MOV10L1: variants seen among roughly 807,000 people sequenced by gnomAD.
MOV10L1 encodes RNA helicase Mov10l1.
A neutral mutation model predicts 143.8 loss-of-function variants in MOV10L1; 110 were observed. The ratio of observed to expected loss-of-function variants is 0.76; its 90% CI spans 0.66 to 0.90. MOV10L1 has a LOEUF of 0.90. MOV10L1 is among the 40% of genes least tolerant of loss of function. The pLI is 0.00. For missense variants in MOV10L1, 1,406 were observed against 1,526.8 expected, an observed-to-expected ratio of 0.92 and a Z score of 1.32; for synonymous variants, 593 against 581.1, an observed-to-expected ratio of 1.02 and a Z score of -0.29.
intron 2 of MOV10L1, chr22:50,094,779 T>C (rs969190491): frequency 3.3e-5 from 5 of 152,186 alleles, no homozygotes; most frequent in African/African-American, 1.2e-4. Flanking sequence ...TACTTTATTA[T>C]ACTATTATAG....
intron 19 of MOV10L1, chr22:50,149,350 C>T (rs1008807934): frequency 6.7e-6 from 3 of 449,906 alleles, no homozygotes; most frequent in South Asian, 5.4e-5. Flanking sequence ...TGTTGCCCAT[C>T]GCTCCCACCC....
chr22:50,109,942 A>G (rs150366244), intron 5 of MOV10L1, among the ~76,000 whole-genome samples: 5,021 of 152,136 alleles, frequency 0.033, 136 homozygotes, highest in Non-Finnish European at 0.046. Flanking sequence ...TGAGGTCAGG[A>G]GTTCGAGACC....
At position 50,108,710 on chromosome 22, in the gene MOV10L1, C is replaced by T; in HGVS notation, c.609C>T (p.Phe203=). The T allele has an allele frequency of 1.2e-6, 2 of 1,614,212 alleles. No individual in the cohort carries two copies. Among genetic ancestry groups the T allele is most frequent in the South Asian group, 1.1e-5 (1 of 91,084 alleles). ...ACGGGGTGTTAGAGGAAAGCATCTTCTTTACCTTGGACTCCTTGAAACTGC... is the reference window on the plus strand; with the variant it reads ...ACGGGGTGTTAGAGGAAAGCATCTTTTTTACCTTGGACTCCTTGAAACTGC... The part of the protein sequence containing the change: ...GRNGVLEESI[F]FTLDSLKLPD... The change falls in exon 5 of 27, where the codon TTC becomes TTT. Residue 203 remains phenylalanine, a synonymous_variant. Transcript: ENST00000262794.
intron 15 of MOV10L1, among the ~76,000 whole-genome samples, chr22:50,137,204 C>G (rs6010186): frequency 4.9e-4 from 74 of 152,224 alleles, no homozygotes; most frequent in African/African-American, 1.6e-3. Flanking sequence ...AACCAACCCC[C>G]CCGAAATAAC....
Sources: allele counts gnomAD v4.1 joint callset (sites outside exome capture counted in the v4.1 genomes callset), GRCh38; gene constraint gnomAD v4.1.1; transcripts MANE v1.5; gene names NCBI Gene and HGNC (gene_info 2026-07-23, HGNC 2026-07-21).